The following FSTL4 variants were observed in gnomAD, a reference collection of about 807,000 sequenced individuals.
FSTL4 encodes follistatin like 4.
Under a neutral mutation model 78.2 loss-of-function variants are expected in FSTL4, and 28 were observed. That is an observed-to-expected ratio of 0.36 (90% CI 0.27 to 0.49). The LOEUF (loss-of-function observed/expected upper bound fraction) is 0.49. FSTL4 is among the 20% of genes least tolerant of loss of function. The pLI, the probability that FSTL4 is intolerant of heterozygous loss-of-function variation, is 0.98. For synonymous variants in FSTL4, 422 were observed against 440.5 expected, an observed-to-expected ratio of 0.96 and a Z score of 0.53; for missense variants, 922 against 1,084.9, an observed-to-expected ratio of 0.85 and a Z score of 2.11.
At chr5:133,514,866 G>C (rs914039184) in intron 3 of FSTL4, among the ~76,000 whole-genome samples, 1 of 152,164 alleles carries the variant, frequency 6.6e-6, no homozygotes, top group Non-Finnish European at 1.5e-5. Flanking sequence ...ATAGTTGTAA[G>C]GGAAAGTACT....
chr5:133,323,297 C>A (rs974165728), intron 4 of FSTL4, among the ~76,000 whole-genome samples: 1 of 152,194 alleles, frequency 6.6e-6, no homozygotes, highest in Non-Finnish European at 1.5e-5. Context: ...ATAATAGCTT[C>A]TTACTGCCTT....
At chr5:133,601,984 A>G (rs910934382) in intron 2 of FSTL4, among the ~76,000 whole-genome samples, 6 of 151,874 alleles carry the variant, frequency 4.0e-5, no homozygotes, top group Admixed American at 2.0e-4. Flanking sequence ...CGTACCTGGA[A>G]GTGTTCTGTT....
chr5:133,705,869 G>GCA, the FSTL4 span, among the ~76,000 whole-genome samples: 10,932 of 147,766 alleles, frequency 0.074, 467 homozygotes, highest in Middle Eastern at 0.16. Context: ...ACACACACAC[G>GCA]CACACACACA....
the FSTL4 span, among the ~76,000 whole-genome samples, chr5:133,660,099 C>T: frequency 1.3e-5 from 2 of 152,212 alleles, no homozygotes; most frequent in South Asian, 4.1e-4. Flanking sequence ...TGGTTTCTTT[C>T]ATGTAATGTC....
At chr5:133,388,787 C>A (rs1277422366) in intron 4 of FSTL4, among the ~76,000 whole-genome samples, 1 of 151,872 alleles carries the variant, frequency 6.6e-6, no homozygotes, top group African/African-American at 2.4e-5. Flanking sequence ...GATAACCAAT[C>A]ACTATTATTT....
At chr5:133,517,440 A>AT (rs1426700984) in intron 3 of FSTL4, among the ~76,000 whole-genome samples, 6 of 45,290 alleles carry the variant, frequency 1.3e-4, no homozygotes, top group African/African-American at 2.7e-4. Flanking sequence ...AAAAAAAAAA[A>AT]AAAAAAAATA....
intron 11 of FSTL4, among the ~76,000 whole-genome samples, chr5:133,222,058 T>A (rs1413648308): frequency 6.6e-6 from 1 of 152,030 alleles, no homozygotes; most frequent in East Asian, 1.9e-4. Context: ...TTTCTGGGCC[T>A]TGGGTCCTTG....
chr5:133,405,827 GT>G (rs1236224313), intron 3 of FSTL4, among the ~76,000 whole-genome samples: 1 of 152,214 alleles, frequency 6.6e-6, no homozygotes, highest in African/African-American at 2.4e-5. Context: ...CTCCAGTCCC[GT>G]GCCATGTCTA....
chr5:133,230,256 G>A (rs73790242), intron 8 of FSTL4, among the ~76,000 whole-genome samples: 32,137 of 152,046 alleles, frequency 0.21, 4,065 homozygotes, highest in African/African-American at 0.36. Flanking sequence ...GCACGATGCT[G>A]GGCTCACCCC....
intron 3 of FSTL4, among the ~76,000 whole-genome samples, chr5:133,484,786 G>T (rs894815046): frequency 6.6e-6 from 1 of 152,216 alleles, no homozygotes; most frequent in Non-Finnish European, 1.5e-5. Flanking sequence ...ATGTCAGTGT[G>T]AGGGCTTCAT....
intron 4 of FSTL4, among the ~76,000 whole-genome samples, chr5:133,391,082 T>G (rs966024143): frequency 6.6e-6 from 1 of 152,198 alleles, no homozygotes; most frequent in African/African-American, 2.4e-5. Context: ...AGCTTGCTAG[T>G]GGGCATAAAA....
the FSTL4 span, among the ~76,000 whole-genome samples, chr5:133,643,560 G>A: frequency 1.3e-5 from 2 of 152,024 alleles, no homozygotes; most frequent in African/African-American, 2.4e-5. Flanking sequence ...TAATATTAGC[G>A]GGTTGGCACA....
chr5:133,786,526 T>A, the FSTL4 span, among the ~76,000 whole-genome samples: 1 of 152,166 alleles, frequency 6.6e-6, no homozygotes. Context: ...TACACTCAGC[T>A]GCATTAGGTG....
At chr5:133,476,047 G>C (rs558008487) in intron 3 of FSTL4, among the ~76,000 whole-genome samples, 276 of 152,266 alleles carry the variant, frequency 1.8e-3, no homozygotes, top group Middle Eastern at 0.01. Context: ...GAAAGGAGGA[G>C]GACGAGAGAA....
At chr5:133,783,243 G>A in the FSTL4 span, among the ~76,000 whole-genome samples, 1 of 152,082 alleles carries the variant, frequency 6.6e-6, no homozygotes, top group Non-Finnish European at 1.5e-5. Flanking sequence ...GAAATTAGGT[G>A]CTCTCTCACG....
At chr5:133,566,534 A>C (rs1580793584) in intron 3 of FSTL4, among the ~76,000 whole-genome samples, 1 of 152,184 alleles carries the variant, frequency 6.6e-6, no homozygotes, top group East Asian at 1.9e-4. Flanking sequence ...GATTCCACAA[A>C]TCATACAAAA....
In FSTL4 at chr5:133,503,064, G is replaced by A. The variant is rs6867371; in HGVS notation, c.160+64122C>T. Among the ~76,000 whole-genome samples, 1,311 of 152,314 alleles carry A rather than the reference G, an allele frequency of 8.6e-3. 22 individuals are homozygous for A. Among genetic ancestry groups the A allele is most frequent in the African/African-American group, 0.03 (1,233 of 41,558 alleles). On this transcript the variant is annotated intron_variant, in intron 3 of 15. Coordinates refer to ENST00000265342, the MANE Select transcript of FSTL4 (RefSeq NM_015082.2). ...ATAGAAAACTTATACAGAGACTGAG[G>A]AGGTTCACTGTATCAATGTAAAGTC...
intron 6 of FSTL4, among the ~76,000 whole-genome samples, chr5:133,261,312 G>A (rs886421635): frequency 1.3e-5 from 2 of 152,136 alleles, no homozygotes; most frequent in East Asian, 1.9e-4. Context: ...CTACAAACAG[G>A]TGGAGGCATC....
At chr5:133,831,312 T>C in the FSTL4 span, among the ~76,000 whole-genome samples, 4 of 152,204 alleles carry the variant, frequency 2.6e-5, no homozygotes, top group South Asian at 2.1e-4. Flanking sequence ...CCTGAGCTAC[T>C]AACTCCAAGA....
Sources: gnomAD v4.1 joint callset for allele counts (sites outside exome capture counted in the v4.1 genomes callset) on GRCh38, gnomAD v4.1.1 for gene constraint, MANE v1.5 for transcripts, NCBI Gene and HGNC (gene_info 2026-07-23, HGNC 2026-07-21) for gene names.